Variants in AGBL4 observed in about 807,000 individuals in gnomAD.
AGBL4 encodes the protein cytosolic carboxypeptidase 6.
A neutral mutation model predicts 66.4 loss-of-function variants in AGBL4; 58 were observed. That is an observed-to-expected ratio of 0.87 (90% CI 0.71 to 1.09). The LOEUF (loss-of-function observed/expected upper bound fraction) is 1.09, where lower values mean the gene tolerates loss of function less well. Ranked by LOEUF, AGBL4 falls within the 50% of genes least tolerant of loss-of-function variation. The pLI is 0.00. For missense variants in AGBL4, 579 were observed against 631.0 expected (o/e 0.92, Z 0.88); for synonymous variants, 234 against 222.9 (o/e 1.05, Z -0.44).
At chr1:49,924,948 C>T (rs1652613363) in intron 1 of AGBL4, among the ~76,000 whole-genome samples, 1 of 152,176 alleles carries the variant, frequency 6.6e-6, no homozygotes, top group Admixed American at 6.5e-5. Context: ...ACTTGAAAGG[C>T]TGTCTAGGCC....
At chr1:49,613,845 T>C (rs1277835460) in intron 3 of AGBL4, among the ~76,000 whole-genome samples, 1 of 152,142 alleles carries the variant, frequency 6.6e-6, no homozygotes, top group Non-Finnish European at 1.5e-5. Context: ...TCCCAGTCCA[T>C]AGAAAAACTG....
In AGBL4 at chr1:49,289,868, AC is replaced by A. The variant is rs368787929; in HGVS notation, c.283-44005del. On this transcript the variant is annotated intron_variant, in intron 3 of 13. Coordinates refer to ENST00000371839, the MANE Select transcript of AGBL4 (RefSeq NM_032785.4). ...AGTAAATATAGGCAAACTCAATGAA[AC>A]AGAAAGTTAACAAAATGGAAAAAAC... Among the ~76,000 whole-genome samples the A allele has an allele frequency of 2.6e-5, 4 of 152,216 alleles. 1 individual carries two copies. Among genetic ancestry groups the A allele is most frequent in the African/African-American group, 9.6e-5 (4 of 41,566 alleles).
intron 4 of AGBL4, among the ~76,000 whole-genome samples, chr1:49,119,101 A>G (rs1645595620): frequency 1.3e-5 from 2 of 152,042 alleles, no homozygotes; most frequent in South Asian, 4.1e-4. Flanking sequence ...CTTCTTTATT[A>G]GTCTTGCTAG....
intron 3 of AGBL4, among the ~76,000 whole-genome samples, chr1:49,286,504 T>C (rs981061579): frequency 5.9e-5 from 9 of 152,162 alleles, no homozygotes; most frequent in Non-Finnish European, 8.8e-5. Context: ...GATAAGCAAC[T>C]TCAGCAAAGT....
chr1:49,423,828 A>T (rs1381347157), intron 3 of AGBL4, among the ~76,000 whole-genome samples: 1 of 151,846 alleles, frequency 6.6e-6, no homozygotes, highest in African/African-American at 2.4e-5. Context: ...AAAAAAAAAA[A>T]AAATTAGGGC....
At chr1:48,542,285 A>G (rs1408971913) in intron 11 of AGBL4, among the ~76,000 whole-genome samples, 1 of 152,228 alleles carries the variant, frequency 6.6e-6, no homozygotes, top group African/African-American at 2.4e-5. Flanking sequence ...TATTGTGAAT[A>G]GTGCTACAAT....
chr1:49,293,647 C>G (rs1237184601), intron 3 of AGBL4, among the ~76,000 whole-genome samples: 1 of 152,136 alleles, frequency 6.6e-6, no homozygotes, highest in African/African-American at 2.4e-5. Context: ...ATTCTATTGA[C>G]AACTTTTACT....
At chr1:49,214,250 G>A (rs1352897927) in intron 4 of AGBL4, among the ~76,000 whole-genome samples, 1 of 152,100 alleles carries the variant, frequency 6.6e-6, no homozygotes, top group African/African-American at 2.4e-5. Flanking sequence ...ACAAAGACTG[G>A]AAGAAAAAGG....
intron 3 of AGBL4, among the ~76,000 whole-genome samples, chr1:49,555,746 G>A (rs1345657864): frequency 2.0e-5 from 3 of 149,276 alleles, no homozygotes; most frequent in Admixed American, 6.7e-5. Context: ...CTCAAAAGAA[G>A]ACATTTATGC....
At chr1:49,383,115 A>T (rs1644658175) in intron 3 of AGBL4, among the ~76,000 whole-genome samples, 1 of 152,192 alleles carries the variant, frequency 6.6e-6, no homozygotes, top group Non-Finnish European at 1.5e-5. Context: ...GTGTATACTA[A>T]AAACTACAAA....
chr1:48,546,864 A>AACACACACACACACAC lies in AGBL4; in HGVS notation c.1268-7142_1268-7127dup, dbSNP rs58136623. Among the ~76,000 whole-genome samples the AACACACACACACACAC allele has an allele frequency of 4.4e-3, 559 of 128,352 alleles. 5 individuals carry two copies. Among genetic ancestry groups the AACACACACACACACAC allele is most frequent in the African/African-American group, 0.012 (415 of 34,570 alleles). 84.2% of individuals were successfully genotyped at this position (128,352 alleles called of 152,430 possible). ...AAATAGCGAGGTAGTAAAACAAACAAACACACACACACACACACACACACA... is the reference window on the plus strand; with the variant it reads ...AAATAGCGAGGTAGTAAAACAAACAAACACACACACACACACACACACACACACACACACACACACA... On this transcript the variant is annotated intron_variant, in intron 11 of 13. Transcript: ENST00000371839.
chr1:48,783,692 TA>T (rs762362100), intron 6 of AGBL4, among the ~76,000 whole-genome samples: 1 of 152,164 alleles, frequency 6.6e-6, no homozygotes, highest in African/African-American at 2.4e-5. Flanking sequence ...CCTTGGGAAT[TA>T]AAAAATATTC....
chr1:48,985,517 T>A (rs1299177745), intron 5 of AGBL4, among the ~76,000 whole-genome samples: 1 of 152,050 alleles, frequency 6.6e-6, no homozygotes, highest in Non-Finnish European at 1.5e-5. Context: ...AGAAACCTCA[T>A]AATTCATAGG....
intron 1 of AGBL4, among the ~76,000 whole-genome samples, chr1:49,934,899 G>C (rs907342231): frequency 6.6e-6 from 1 of 152,010 alleles, no homozygotes; most frequent in African/African-American, 2.4e-5. Context: ...CTCCCAACGT[G>C]AGCGATACAG....
chr1:49,966,707 T>C (rs1657594510), intron 1 of AGBL4, among the ~76,000 whole-genome samples: 1 of 152,092 alleles, frequency 6.6e-6, no homozygotes. Context: ...GTCTTGTAAA[T>C]ATTATCTAAA....
chr1:49,912,919 A>G (rs1358010963), intron 1 of AGBL4, among the ~76,000 whole-genome samples: 1 of 152,216 alleles, frequency 6.6e-6, no homozygotes, highest in Admixed American at 6.5e-5. Flanking sequence ...ACAGCATTAA[A>G]TGATTCATGA....
intron 3 of AGBL4, among the ~76,000 whole-genome samples, chr1:49,692,299 C>A (rs749260573): frequency 1.3e-5 from 2 of 151,988 alleles, no homozygotes; most frequent in Non-Finnish European, 2.9e-5. Flanking sequence ...AAATATAAAC[C>A]AAAATTGGTT....
chr1:48,769,385 G>A (rs750141264), intron 6 of AGBL4, among the ~76,000 whole-genome samples: 1 of 152,126 alleles, frequency 6.6e-6, no homozygotes, highest in Non-Finnish European at 1.5e-5. Flanking sequence ...GGAGCCATTT[G>A]TCTAGCTGCC....
intron 2 of AGBL4, among the ~76,000 whole-genome samples, chr1:49,814,035 G>T (rs1645172531): frequency 6.6e-6 from 1 of 152,076 alleles, no homozygotes. Context: ...TGTAAGAAAT[G>T]CCTTTGCTCC....
Sources: allele counts gnomAD v4.1 joint callset (sites outside exome capture counted in the v4.1 genomes callset), GRCh38; gene constraint gnomAD v4.1.1; transcripts MANE v1.5; gene names NCBI Gene and HGNC (gene_info 2026-07-23, HGNC 2026-07-21).